The following CGN variants were observed in gnomAD, a reference collection of about 807,000 sequenced individuals.
CGN encodes the protein cingulin.
A neutral mutation model predicts 157.1 loss-of-function variants in CGN; 121 were observed. The ratio of observed to expected loss-of-function variants is 0.77; its 90% CI spans 0.66 to 0.90. The LOEUF (loss-of-function observed/expected upper bound fraction) is 0.90, where lower values mean the gene tolerates loss of function less well. Among genes scored for constraint, CGN ranks in the 40% least tolerant of loss-of-function variants. CGN has a pLI of 0.00. For missense variants in CGN, 1,424 were observed against 1,520.9 expected, an observed-to-expected ratio of 0.94 and a Z score of 1.06; for synonymous variants, 535 against 607.5, an observed-to-expected ratio of 0.88 and a Z score of 1.76.
At position 151,537,459 on chromosome 1, in the gene CGN, C is replaced by A; in HGVS notation, c.*113C>A. On this transcript the variant is annotated 3_prime_UTR_variant, in exon 21 of 21. Transcript: ENST00000271636. ...CTATGGGTGACCCAATTATTCAGAC[C>A]TAAGACAGGGAGGGGTCAGAGTGAT... is the stretch of plus-strand genomic sequence containing the variant. The A allele has an allele frequency of 2.2e-6, 2 of 899,020 alleles. No individual in the cohort carries two copies. Among genetic ancestry groups the A allele is most frequent in the East Asian group, 2.6e-5 (1 of 38,952 alleles). 55.7% of individuals were successfully genotyped at this position (899,020 alleles called of 1,614,324 possible).
At chr1:151,526,862 G>T in intron 9 of CGN, 113 bp from the exon 10 acceptor site, 8 of 1,156,134 alleles carry the variant, frequency 6.9e-6, no homozygotes, top group Non-Finnish European at 1.0e-5. Context: ...TTGAGAGTTG[G>T]TGCCCAGCGT....
chr1:151,528,296 AT>A (rs564375764), intron 10 of CGN, among the ~76,000 whole-genome samples: 7 of 150,510 alleles, frequency 4.7e-5, no homozygotes, highest in Non-Finnish European at 7.4e-5. Context: ...CTCACACTGT[AT>A]TTTTTTTAAA....
chr1:151,529,872 C>G (rs889185381), intron 11 of CGN, 37 bp from the exon 12 acceptor site: 1 of 1,589,988 alleles, frequency 6.3e-7, no homozygotes, highest in African/African-American at 1.3e-5. Context: ...CTGCCACGCC[C>G]TGGGGTCTGA....
chr1:151,533,153 C>T (rs1262673385), intron 14 of CGN, among the ~76,000 whole-genome samples: 1 of 152,196 alleles, frequency 6.6e-6, no homozygotes, highest in Non-Finnish European at 1.5e-5. Context: ...AAAAACTCCT[C>T]AGGTGATTCC....
At position 151,518,595 on chromosome 1, in the gene CGN, C is replaced by G. The variant is rs775452629; in HGVS notation, c.76C>G (p.Pro26Ala). 10 of 1,614,094 alleles carry G rather than the reference C, an allele frequency of 6.2e-6. No individual in the cohort carries two copies. The East Asian group carries it at 2.0e-4, about 32-fold the overall frequency. ...HGVQIRFITE[P>A]VSGAEMGTLR... ...AGTCCAGATTCGCTTCATCACAGAG[C>G]CAGTGAGTGGTGCAGAGATGGGCAC... is the stretch of plus-strand genomic sequence containing the variant. Residue 26 changes from proline (P) to alanine (A), a missense_variant, in exon 2 of 21, where the codon CCA (proline) becomes GCA (alanine). By Grantham distance (27) the Pro-to-Ala change is conservative. Coordinates refer to ENST00000271636, the MANE Select transcript of CGN (RefSeq NM_020770.3).
intron 14 of CGN, 42 bp downstream of exon 14, chr1:151,532,614 T>A: frequency 9.4e-4 from 331 of 353,490 alleles, no homozygotes; most frequent in Non-Finnish European, 1.1e-3. Context: ...CCTTGCCTCT[T>A]TTTTTTTTTT....
chr1:151,530,096 A>G lies in CGN; in HGVS notation c.2294A>G (p.Asp765Gly), dbSNP rs776867043. Reference protein sequence around the residue: ...GGEAVEARLRDKLQRLEAEKQ... With the variant: ...GGEAVEARLRGKLQRLEAEKQ... ...GAAGCGGTGGAGGCACGACTACGGG[A>G]CAAGCTGCAGCGGCTGGAGGTCAGT... is the stretch of plus-strand genomic sequence containing the variant. The change falls in exon 12 of 21, where the codon GAC (aspartate) becomes GGC (glycine). Residue 765 changes from aspartate to glycine, a missense_variant. This residue lies in a region of CGN where 1,187 missense variants were observed against 1,217.6 expected (regional missense o/e 0.97). Coordinates refer to ENST00000271636, the MANE Select transcript of CGN (RefSeq NM_020770.3). 8.1e-6 allele frequency: 13 copies of G among 1,612,938 alleles called. No homozygotes were observed. The highest frequency in any genetic ancestry group is 1.0e-5 in the Non-Finnish European group (12 of 1,179,066).
chr1:151,532,257 A>T, intron 13 of CGN, 145 bp from the exon 14 acceptor site: 1 of 504,324 alleles, frequency 2.0e-6, no homozygotes, highest in Non-Finnish European at 3.4e-6. Flanking sequence ...TATAACTATT[A>T]GCTATACTAG....
At chr1:151,533,458 A>G (rs930241660) in intron 14 of CGN, among the ~76,000 whole-genome samples, 4 of 151,714 alleles carry the variant, frequency 2.6e-5, no homozygotes, top group Non-Finnish European at 5.9e-5. Flanking sequence ...CCTGGGCGAC[A>G]GAGCAAGACT....
intron 5 of CGN, among the ~76,000 whole-genome samples, chr1:151,521,119 T>C (rs1393900203): frequency 3.3e-5 from 5 of 152,218 alleles, no homozygotes; most frequent in Admixed American, 3.3e-4. Flanking sequence ...ATACCTATTC[T>C]GGACCCTTTT....
At position 151,527,082 on chromosome 1, in the gene CGN, C is replaced by T. The variant is rs1664700257; in HGVS notation, c.1871C>T (p.Thr624Ile). 2 of 1,614,158 alleles carry T rather than the reference C, an allele frequency of 1.2e-6. No homozygotes were observed. Among genetic ancestry groups the T allele is most frequent in the East Asian group, 4.5e-5 (2 of 44,884 alleles). Residue 624 changes from threonine (T) to isoleucine (I), a missense_variant, in exon 10 of 21, where the codon ACT becomes ATT. Physicochemically the swap from Thr to Ile is moderately conservative, Grantham distance 89. Around this residue, in one of 3 missense-constraint regions of CGN, gnomAD observed 1,187 missense variants for 1,217.6 expected, o/e 0.97. Coordinates refer to ENST00000271636, the MANE Select transcript of CGN (RefSeq NM_020770.3). ...CAGGCCCGAGCTAGTGCTGGAGATA[C>T]TCGCCAGGTTGAGGTGCTCAAGAAG... ...LEQARASAGD[T>I]RQVEVLKKEL...
rs934420795 is a variant in CGN at position 151,525,551 on chromosome 1, G to T, written c.1615-91G>T. The T allele has an allele frequency of 8.9e-6, 10 of 1,127,412 alleles. No homozygotes were observed. In the African/African-American group the frequency reaches 1.6e-4, roughly 18 times the overall value. 69.8% of individuals were successfully genotyped at this position (1,127,412 alleles called of 1,614,324 possible). A position where few individuals can be genotyped will look rare whatever the true frequency, so the allele number is the denominator to read the frequency against. On this transcript the variant is annotated intron_variant, in intron 8 of 20. Coordinates refer to ENST00000271636, the MANE Select transcript of CGN (RefSeq NM_020770.3). ...GTGCACCTGGCATGGTGCCCTCTGG[G>T]TCTAAGCCTTTCCTTGTACACACTC...
Position 151,537,622 on chromosome 1 carries a change from AG to A in CGN, c.*277del. 1 of 357,532 alleles carries A rather than the reference AG, an allele frequency of 2.8e-6. No individual in the cohort carries two copies. The highest frequency in any genetic ancestry group is 5.1e-6 in the Non-Finnish European group (1 of 197,112). The allele number at this position is 357,532 out of a possible 1,614,324, so 22.1% of individuals were successfully genotyped here. ...TCTCTCTTATAGTGGAAGGATGGTC[AG>A]CATTAGGCTGATGGGGACTGAGAAG... is the stretch of plus-strand genomic sequence containing the variant. On this transcript the variant is annotated 3_prime_UTR_variant, in exon 21 of 21. Transcript: ENST00000271636.
At chr1:151,536,704 A>G (rs762415214) in intron 19 of CGN, 26 bp from the exon 20 acceptor site, 6 of 1,612,498 alleles carry the variant, frequency 3.7e-6, no homozygotes, top group Non-Finnish European at 5.1e-6. Context: ...TGCTATTCAG[A>G]TGTGTGGACT....
intron 1 of CGN, among the ~76,000 whole-genome samples, chr1:151,516,603 C>T (rs1015049438): frequency 3.4e-5 from 5 of 149,154 alleles, no homozygotes; most frequent in South Asian, 2.1e-4. Flanking sequence ...AGTGCAATGG[C>T]GTGATCTTGG....
chr1:151,536,920 C>T, intron 20 of CGN, 27 bp downstream of exon 20: 1 of 1,608,842 alleles, frequency 6.2e-7, no homozygotes. Flanking sequence ...TGCCCTTGCT[C>T]CATAGGGACA....
chr1:151,525,859 T>A lies in CGN; in HGVS notation c.1763+69T>A, dbSNP rs1318961081. On this transcript the variant is annotated intron_variant, in intron 9 of 20. Transcript: ENST00000271636. The stretch of plus-strand genomic sequence containing the variant: ...CACTTCCTTTCTTTTTTTTAATTTT[T>A]AATTTTAATTTTAATTTTAATTTAT... The A allele has an allele frequency of 1.8e-5, 17 of 959,516 alleles. No individual in the cohort carries two copies. In the African/African-American group the frequency reaches 1.9e-4, roughly 11 times the overall value. 59.4% of individuals were successfully genotyped at this position (959,516 alleles called of 1,614,324 possible). A position where few individuals can be genotyped will look rare whatever the true frequency, so the allele number is the denominator to read the frequency against.
rs1342964590 is a variant in CGN, at chr1:151,518,876, A to C, written c.357A>C (p.Thr119=). Residue 119 remains threonine (T), a synonymous_variant, in exon 2 of 21, where the codon ACA becomes ACC. Transcript: ENST00000271636. ...KGFPAPSQSS[T]SDEEPGAYWN... ...TTCCTGCCCCCTCGCAGAGCAGCAC[A>C]TCTGATGAGGAGCCTGGGGCCTACT... 1.2e-6 allele frequency: 2 copies of C among 1,614,078 alleles called. No homozygotes were observed. The highest frequency in any genetic ancestry group is 1.7e-5 in the Admixed American group (1 of 60,006).
chr1:151,524,108 G>T lies in CGN; in HGVS notation c.1269-118G>T. ...GGGCAGGTTGCAAAAATCAGGGGAGGCCTCATCAAGATTTGAAGGAAGGAA... is the reference window on the plus strand; with the variant it reads ...GGGCAGGTTGCAAAAATCAGGGGAGTCCTCATCAAGATTTGAAGGAAGGAA... On this transcript the variant is annotated intron_variant, in intron 6 of 20. Transcript: ENST00000271636. The surrounding 1 kb of genome is among the most constrained non-coding windows in gnomAD (Gnocchi z 4.4). 1 of 982,956 alleles carries T rather than the reference G, an allele frequency of 1.0e-6. No individual in the cohort carries two copies. Among genetic ancestry groups the T allele is most frequent in the Admixed American group, 2.5e-5 (1 of 40,182 alleles). 60.9% of individuals were successfully genotyped at this position (982,956 alleles called of 1,614,324 possible).
Sources: allele counts gnomAD v4.1 joint callset (sites outside exome capture counted in the v4.1 genomes callset), GRCh38; gene constraint gnomAD v4.1.1; regional missense constraint gnomAD v4.1.1; non-coding constraint Gnocchi (gnomAD v3.1); transcripts MANE v1.5; gene names NCBI Gene and HGNC (gene_info 2026-07-23, HGNC 2026-07-21).